CEP85L: variants seen among roughly 807,000 people sequenced by gnomAD.
CEP85L encodes centrosomal protein of 85 kDa-like.
CEP85L carries 60 observed loss-of-function variants against 100.3 expected under a neutral mutation model. The ratio of observed to expected loss-of-function variants is 0.60; its 90% CI spans 0.49 to 0.74. CEP85L has a LOEUF of 0.74. CEP85L is among the 30% of genes least tolerant of loss of function. CEP85L has a pLI of 0.00. For missense variants in CEP85L, 973 were observed against 936.2 expected, an observed-to-expected ratio of 1.04 and a Z score of -0.51; for synonymous variants, 319 against 322.7, an observed-to-expected ratio of 0.99 and a Z score of 0.12.
At chr6:118,483,314 A>AT (rs199807063) in intron 7 of CEP85L, among the ~76,000 whole-genome samples, 2 of 151,800 alleles carry the variant, frequency 1.3e-5, no homozygotes, top group Non-Finnish European at 2.9e-5. Context: ...ATATATATAT[A>AT]AAGGTTAAGA....
At chr6:118,495,694 G>A (rs139422319) in intron 5 of CEP85L, among the ~76,000 whole-genome samples, 276 of 152,316 alleles carry the variant, frequency 1.8e-3, no homozygotes, top group Middle Eastern at 3.4e-3. Flanking sequence ...AGGTGATCCT[G>A]CCTGCTGCCA....
chr6:118,560,467 G>A (rs1183250952), intron 3 of CEP85L: 1 of 167,056 alleles, frequency 6.0e-6, no homozygotes, highest in Non-Finnish European at 1.5e-5. Flanking sequence ...AGTAGGCAGA[G>A]GAGGAGAAAG....
At chr6:118,540,495 AC>A (rs1777845808) in intron 3 of CEP85L, among the ~76,000 whole-genome samples, 1 of 152,088 alleles carries the variant, frequency 6.6e-6, no homozygotes, top group African/African-American at 2.4e-5. Flanking sequence ...AGTGGCTCAC[AC>A]CTGTAATCCC....
intron 1 of CEP85L, among the ~76,000 whole-genome samples, chr6:118,633,590 T>C (rs1461052896): frequency 6.6e-6 from 1 of 152,218 alleles, no homozygotes; most frequent in East Asian, 1.9e-4. Flanking sequence ...TACTCACTTT[T>C]ACTTAACTTT....
rs112369918 is a variant in CEP85L, at chr6:118,532,936, T to C, written c.1021-9016A>G. 1.4e-4 allele frequency among the ~76,000 whole-genome samples: 21 copies of C among 152,258 alleles called. 1 individual carries two copies. The highest frequency in any genetic ancestry group is 5.1e-4 in the African/African-American group (21 of 41,578). On this transcript the variant is annotated intron_variant, in intron 3 of 12. Transcript: ENST00000368491. ...TCACTGAGATTAAACAACACACTTC[T>C]AAATAATACACAGGTTTAACTGACT...
intron 4 of CEP85L, among the ~76,000 whole-genome samples, chr6:118,519,746 A>G (rs1053185795): frequency 1.2e-4 from 19 of 152,224 alleles, no homozygotes; most frequent in African/African-American, 4.6e-4. Flanking sequence ...TCACTGAAGA[A>G]TTCTGCTGAA....
intron 10 of CEP85L, among the ~76,000 whole-genome samples, chr6:118,475,348 T>TA (rs375464100): frequency 0.59 from 55,120 of 93,236 alleles, 13,538 homozygotes; most frequent in South Asian, 0.66. Context: ...GTAGGTGACA[T>TA]TTTTTTTTTT....
intron 5 of CEP85L, among the ~76,000 whole-genome samples, chr6:118,504,905 C>T (rs1429671147): frequency 3.3e-5 from 5 of 151,788 alleles, no homozygotes; most frequent in Admixed American, 3.3e-4. Context: ...ACATGTGGTG[C>T]AGAAGTACTG....
chr6:118,529,018 C>T (rs949240253), intron 3 of CEP85L, among the ~76,000 whole-genome samples: 1 of 152,158 alleles, frequency 6.6e-6, no homozygotes, highest in African/African-American at 2.4e-5. Flanking sequence ...AGAAATAACA[C>T]AGAATCATTT....
intron 2 of CEP85L, among the ~76,000 whole-genome samples, chr6:118,621,208 C>A (rs2356501): frequency 0.16 from 24,746 of 152,094 alleles, 2,150 homozygotes; most frequent in Non-Finnish European, 0.19. Context: ...CCCAATCCTA[C>A]GAGTACAAAA....
intron 1 of CEP85L, among the ~76,000 whole-genome samples, chr6:118,648,052 G>A (rs1337329797): frequency 6.6e-6 from 1 of 152,038 alleles, no homozygotes; most frequent in Non-Finnish European, 1.5e-5. Flanking sequence ...CCAGGAGTTC[G>A]CGACCAGCAT....
chr6:118,517,739 G>C (rs1776366223), intron 4 of CEP85L, among the ~76,000 whole-genome samples: 1 of 152,130 alleles, frequency 6.6e-6, no homozygotes, highest in East Asian at 1.9e-4. Flanking sequence ...TCTTTCTCTT[G>C]CCTGATGGCC....
intron 2 of CEP85L, among the ~76,000 whole-genome samples, chr6:118,625,712 G>A (rs1323542710): frequency 6.6e-6 from 1 of 152,184 alleles, no homozygotes; most frequent in African/African-American, 2.4e-5. Context: ...AGAGAACGTA[G>A]AAAGAGTGAA....
chr6:118,623,148 A>C (rs1240322405), intron 2 of CEP85L, among the ~76,000 whole-genome samples: 1 of 152,198 alleles, frequency 6.6e-6, no homozygotes, highest in Non-Finnish European at 1.5e-5. Context: ...TTACAGGGCC[A>C]AACCTTCTCC....
chr6:118,566,549 C>G lies in CEP85L; in HGVS notation c.233-233G>C, dbSNP rs112868319. 4.6e-5 allele frequency among the ~76,000 whole-genome samples: 7 copies of G among 152,214 alleles called. 1 individual carries two copies. Among genetic ancestry groups the G allele is most frequent in the African/African-American group, 1.7e-4 (7 of 41,540 alleles). ...TCTCCTGCCTCAGCCTCCCGAGTAG[C>G]AGGGATTCCAGGCGCCTGCCAGCAC... On this transcript the variant is annotated intron_variant, in intron 2 of 12. Coordinates refer to ENST00000368491, the MANE Select transcript of CEP85L (RefSeq NM_001042475.3).
intron 2 of CEP85L, among the ~76,000 whole-genome samples, chr6:118,586,560 G>A (rs375631055): frequency 7.2e-5 from 11 of 152,184 alleles, no homozygotes; most frequent in African/African-American, 2.4e-4. Flanking sequence ...GGAATCGACC[G>A]ACTCCTGGAA....
intron 1 of CEP85L, among the ~76,000 whole-genome samples, chr6:118,691,141 G>A (rs1304310286): frequency 1.6e-5 from 1 of 62,584 alleles, no homozygotes; most frequent in African/African-American, 5.7e-5. Context: ...GAGGCCAGGC[G>A]TGGTGGCTCA....
At chr6:118,578,855 T>C (rs917587259) in intron 2 of CEP85L, among the ~76,000 whole-genome samples, 2 of 152,336 alleles carry the variant, frequency 1.3e-5, no homozygotes, top group Non-Finnish European at 1.5e-5. Flanking sequence ...TGAGTGCTAG[T>C]TCTTCTTTGC....
chr6:118,704,174 G>C (rs560639213), intron 1 of CEP85L, among the ~76,000 whole-genome samples: 8 of 152,124 alleles, frequency 5.3e-5, no homozygotes, highest in Non-Finnish European at 8.8e-5. Flanking sequence ...CCTACTCTGG[G>C]CTATGACATT....
Sources: gnomAD v4.1 joint callset for allele counts (sites outside exome capture counted in the v4.1 genomes callset) on GRCh38, gnomAD v4.1.1 for gene constraint, MANE v1.5 for transcripts, NCBI Gene and HGNC (gene_info 2026-07-23, HGNC 2026-07-21) for gene names.